Variants in TPX2 observed in about 807,000 individuals in gnomAD.
TPX2 encodes the protein TPX2 microtubule nucleation factor, also known as targeting protein for Xklp2.
Under a neutral mutation model 93.6 loss-of-function variants are expected in TPX2, and 21 were observed. The observed-to-expected ratio is 0.22, with a 90% CI of 0.16 to 0.32. The LOEUF is 0.32. TPX2 is among the 10% of genes least tolerant of loss of function. The pLI is 1.00. For synonymous variants in TPX2, 281 were observed against 298.3 expected (o/e 0.94, Z 0.60); for missense variants, 776 against 871.1 (o/e 0.89, Z 1.37).
In TPX2 at chr20:31,798,441, G is replaced by A; in HGVS notation, c.2022G>A (p.Leu674=). The change falls in exon 17 of 18, where the codon CTG becomes CTA. Residue 674 remains leucine (L), a synonymous_variant. Transcript: ENST00000300403. ...AGAGAGCCAAAGAGCGGCAGGAGCT[G>A]GAGAAGAGAATGGCTGAGGTAGAAG... is the stretch of plus-strand genomic sequence containing the variant. ...TEKRAKERQE[L]EKRMAEVEAQ... is the part of the protein sequence containing the mutation. The A allele has an allele frequency of 3.7e-6, 6 of 1,614,046 alleles. No homozygotes were observed. The South Asian group carries it at 5.5e-5, about 15-fold the overall frequency.
intron 2 of TPX2, among the ~76,000 whole-genome samples, chr20:31,743,247 T>G (rs143878771): frequency 6.6e-6 from 1 of 152,278 alleles, no homozygotes; most frequent in African/African-American, 2.4e-5. Context: ...AGCCCTGGTA[T>G]AAAATGATGT....
intron 6 of TPX2, among the ~76,000 whole-genome samples, chr20:31,770,887 C>T (rs1327262173): frequency 2.7e-5 from 4 of 145,842 alleles, no homozygotes; most frequent in Admixed American, 6.9e-5. Context: ...GGTTCAGTGG[C>T]TGATTTTTAG....
intron 2 of TPX2, among the ~76,000 whole-genome samples, chr20:31,753,673 A>G (rs2061833474): frequency 6.6e-6 from 1 of 152,192 alleles, no homozygotes; most frequent in Non-Finnish European, 1.5e-5. Flanking sequence ...AGACCATGGG[A>G]AGATGATGTT....
chr20:31,780,157 T>A (rs1176922049), intron 10 of TPX2, among the ~76,000 whole-genome samples: 1 of 152,114 alleles, frequency 6.6e-6, no homozygotes, highest in Non-Finnish European at 1.5e-5. Flanking sequence ...GTGCAAGAGA[T>A]TCTCGTGCCT....
intron 2 of TPX2, among the ~76,000 whole-genome samples, chr20:31,751,708 G>A (rs908461509): frequency 6.6e-6 from 1 of 152,102 alleles, no homozygotes; most frequent in African/African-American, 2.4e-5. Context: ...TTGACTACAG[G>A]TGACAGAAAA....
intron 17 of TPX2, among the ~76,000 whole-genome samples, chr20:31,799,826 G>C (rs886392213): frequency 2.0e-5 from 3 of 150,918 alleles, no homozygotes; most frequent in Non-Finnish European, 4.4e-5. Context: ...CTTGAACCTG[G>C]GAGGCCCAGG....
chr20:31,800,754 C>A (rs1948457884), intron 17 of TPX2, among the ~76,000 whole-genome samples: 1 of 152,122 alleles, frequency 6.6e-6, no homozygotes, highest in South Asian at 2.1e-4. Context: ...CTGGGGGACC[C>A]AATAGAGACC....
intron 4 of TPX2, 89 bp from the exon 5 acceptor site, chr20:31,766,467 G>GTGTGTGTGTGTGTA (rs1221127648): frequency 8.8e-7 from 1 of 1,133,186 alleles, no homozygotes; most frequent in African/African-American, 1.6e-5. Context: ...GTGTGTGTGT[G>GTGTGTGTGTGTGTA]TGTGTGTGTG....
At chr20:31,769,029 G>A (rs1027567951) in intron 5 of TPX2, among the ~76,000 whole-genome samples, 2 of 152,142 alleles carry the variant, frequency 1.3e-5, no homozygotes, top group Admixed American at 6.5e-5. Flanking sequence ...GTGAATTGTC[G>A]TGGTTGAATC....
intron 7 of TPX2, among the ~76,000 whole-genome samples, chr20:31,772,366 A>G (rs1006876462): frequency 6.6e-6 from 1 of 152,000 alleles, no homozygotes; most frequent in Non-Finnish European, 1.5e-5. Flanking sequence ...GGATTTCACT[A>G]TGTTGCCCAG....
chr20:31,742,681 A>G (rs1174298550), intron 2 of TPX2, 34 bp downstream of exon 2: 2 of 152,254 alleles, frequency 1.3e-5, no homozygotes, highest in Non-Finnish European at 2.9e-5. Context: ...AGGAACATTA[A>G]TATATCAGCT....
intron 11 of TPX2, 21 bp from the exon 12 acceptor site, chr20:31,783,684 A>G (rs545302928): frequency 3.2e-6 from 5 of 1,577,192 alleles, no homozygotes; most frequent in Non-Finnish European, 4.3e-6. Context: ...TTTTGTGGTT[A>G]TTTAAATTTT....
chr20:31,785,669 C>T (rs1321364457), intron 12 of TPX2, among the ~76,000 whole-genome samples: 7 of 151,924 alleles, frequency 4.6e-5, no homozygotes, highest in East Asian at 3.9e-4. Context: ...GGCTAATTTT[C>T]GTATTTATAG....
chr20:31,793,767 T>C, intron 13 of TPX2, 81 bp from the exon 14 acceptor site: 1 of 1,314,476 alleles, frequency 7.6e-7, no homozygotes. Context: ...CACATATTAA[T>C]ATAATGTCTT....
intron 13 of TPX2, 36 bp downstream of exon 13, chr20:31,792,866 C>A: frequency 1.9e-6 from 3 of 1,570,268 alleles, no homozygotes; most frequent in Non-Finnish European, 2.6e-6. Flanking sequence ...CTTTTTCCTT[C>A]TATATAGTCA....
intron 15 of TPX2, among the ~76,000 whole-genome samples, chr20:31,796,636 T>C (rs1199679393): frequency 6.6e-6 from 1 of 152,166 alleles, no homozygotes; most frequent in Non-Finnish European, 1.5e-5. Flanking sequence ...GTCTAACATG[T>C]TCCTCTGTTG....
At chr20:31,755,776 A>G (rs1045175193) in intron 2 of TPX2, among the ~76,000 whole-genome samples, 8 of 151,858 alleles carry the variant, frequency 5.3e-5, no homozygotes, top group South Asian at 2.1e-4. Context: ...AAAAAAAAAG[A>G]CAAATGGCTC....
chr20:31,797,851 A>G (rs1452549574), intron 16 of TPX2, among the ~76,000 whole-genome samples: 1 of 152,182 alleles, frequency 6.6e-6, no homozygotes, highest in African/African-American at 2.4e-5. Context: ...ACCCTGAAGC[A>G]AACTTTAGAT....
chr20:31,779,209 G>A (rs953607107), intron 10 of TPX2, among the ~76,000 whole-genome samples: 3 of 152,152 alleles, frequency 2.0e-5, no homozygotes, highest in Non-Finnish European at 4.4e-5. Context: ...AATTGGCCAA[G>A]GGGAATGAGT....
Sources: allele counts gnomAD v4.1 joint callset (sites outside exome capture counted in the v4.1 genomes callset), GRCh38; gene constraint gnomAD v4.1.1; transcripts MANE v1.5; gene names NCBI Gene and HGNC (gene_info 2026-07-23, HGNC 2026-07-21).